The following MYO1E variants were observed in gnomAD, a reference collection of about 807,000 sequenced individuals.
MYO1E encodes the protein unconventional myosin-Ie.
A neutral mutation model predicts 151.1 loss-of-function variants in MYO1E; 68 were observed. The observed-to-expected ratio is 0.45, with a 90% CI of 0.37 to 0.55. The LOEUF (loss-of-function observed/expected upper bound fraction) is 0.55, where lower values mean the gene tolerates loss of function less well. Ranked by LOEUF, MYO1E falls within the 20% of genes least tolerant of loss-of-function variation. MYO1E has a pLI of 0.00. For synonymous variants in MYO1E, 601 were observed against 501.7 expected (o/e 1.20, Z -2.64); for missense variants, 1,363 against 1,389.3 (o/e 0.98, Z 0.30).
chr15:59,138,398 G>A, intron 26 of MYO1E, 31 bp from the exon 27 acceptor site: 1 of 1,612,320 alleles, frequency 6.2e-7, no homozygotes, highest in African/African-American at 1.3e-5. Flanking sequence ...ATGAGACTGG[G>A]CCCCAACAGG....
intron 1 of MYO1E, among the ~76,000 whole-genome samples, chr15:59,278,438 G>C (rs2080334549): frequency 6.6e-6 from 1 of 152,120 alleles, no homozygotes; most frequent in African/African-American, 2.4e-5. Flanking sequence ...AAGACATTCT[G>C]GAATTCCACC....
intron 2 of MYO1E, among the ~76,000 whole-genome samples, chr15:59,269,496 A>G (rs1426072496): frequency 6.6e-6 from 1 of 152,242 alleles, no homozygotes; most frequent in African/African-American, 2.4e-5. Flanking sequence ...TAAAGTAAGC[A>G]TATTTCAGTA....
chr15:59,276,749 T>C (rs918358674), intron 1 of MYO1E, among the ~76,000 whole-genome samples: 12 of 152,214 alleles, frequency 7.9e-5, no homozygotes, highest in African/African-American at 2.7e-4. Context: ...GAACCTCAGA[T>C]GGGTGATTCC....
intron 22 of MYO1E, 86 bp downstream of exon 22, chr15:59,171,811 C>A: frequency 6.4e-7 from 1 of 1,565,842 alleles, no homozygotes; most frequent in Non-Finnish European, 8.8e-7. Flanking sequence ...AAGCCCAGCC[C>A]GGCCTTCCTC....
intron 1 of MYO1E, among the ~76,000 whole-genome samples, chr15:59,275,509 T>C (rs997130696): frequency 4.0e-5 from 6 of 151,866 alleles, no homozygotes; most frequent in African/African-American, 4.8e-5. Flanking sequence ...CATCCCCCCA[T>C]ACTATGTATT....
At chr15:59,273,458 T>C (rs1379905320) in intron 1 of MYO1E, among the ~76,000 whole-genome samples, 1 of 152,094 alleles carries the variant, frequency 6.6e-6, no homozygotes, top group Non-Finnish European at 1.5e-5. Context: ...TAGATAATGA[T>C]GGAATAAAGT....
At chr15:59,208,217 A>C in intron 14 of MYO1E, 1 of 808,370 alleles carries the variant, frequency 1.2e-6, no homozygotes. Flanking sequence ...TTTCCTATTT[A>C]TTTAGTCCTC....
intron 1 of MYO1E, among the ~76,000 whole-genome samples, chr15:59,322,900 G>A (rs1400113244): frequency 6.6e-6 from 1 of 151,610 alleles, no homozygotes; most frequent in Non-Finnish European, 1.5e-5. Flanking sequence ...GGTGGCTTAC[G>A]CCTACAATTC....
At chr15:59,355,557 T>G (rs1022774863) in intron 1 of MYO1E, among the ~76,000 whole-genome samples, 1 of 152,242 alleles carries the variant, frequency 6.6e-6, no homozygotes, top group Non-Finnish European at 1.5e-5. Context: ...AAAGATTTTA[T>G]GCGCACAGTT....
At chr15:59,299,027 T>C (rs558686482) in intron 1 of MYO1E, among the ~76,000 whole-genome samples, 4 of 152,360 alleles carry the variant, frequency 2.6e-5, no homozygotes, top group South Asian at 2.1e-4. Flanking sequence ...CTGGTCTCTA[T>C]GGCAAATTAT....
intron 4 of MYO1E, among the ~76,000 whole-genome samples, chr15:59,246,656 A>G (rs2080131949): frequency 1.3e-5 from 2 of 152,112 alleles, no homozygotes; most frequent in Non-Finnish European, 2.9e-5. Flanking sequence ...TGTCAGTGCT[A>G]TCATGTCTCT....
At chr15:59,300,045 CTT>C (rs1415766926) in intron 1 of MYO1E, among the ~76,000 whole-genome samples, 1 of 152,138 alleles carries the variant, frequency 6.6e-6, no homozygotes, top group East Asian at 1.9e-4. Context: ...GTGAGATATA[CTT>C]TGTCACCACT....
chr15:59,309,685 G>A (rs1315794845), intron 1 of MYO1E, among the ~76,000 whole-genome samples: 1 of 152,166 alleles, frequency 6.6e-6, no homozygotes, highest in East Asian at 1.9e-4. Context: ...TCCCAGAAAG[G>A]CCAAATGTGT....
chr15:59,148,387 A>C (rs2079454798), intron 26 of MYO1E, among the ~76,000 whole-genome samples: 1 of 152,210 alleles, frequency 6.6e-6, no homozygotes. Flanking sequence ...GGGTGTGCCT[A>C]GTCTATGTCG....
chr15:59,315,522 T>C (rs1057073380), intron 1 of MYO1E, among the ~76,000 whole-genome samples: 26 of 151,268 alleles, frequency 1.7e-4, no homozygotes, highest in Non-Finnish European at 2.2e-4. Flanking sequence ...CCTGTACATC[T>C]TGCACATGTA....
In MYO1E at chr15:59,236,654, T is replaced by A. The variant is rs372703822; in HGVS notation, c.351A>T (p.Gly117=). ...TGATATATTTGGCAGCCACTGTTTT[T>A]CCAGCACCACTTTCACCACTAAAGA... ...CVIISGESGA[G]KTVAAKYIMS... Residue 117 remains glycine, a synonymous_variant, in exon 5 of 28, where the codon GGA becomes GGT. Transcript: ENST00000288235. 3 of 1,613,932 alleles carry A rather than the reference T, an allele frequency of 1.9e-6. No homozygotes were observed. The highest frequency in any genetic ancestry group is 2.5e-6 in the Non-Finnish European group (3 of 1,179,852).
intron 18 of MYO1E, among the ~76,000 whole-genome samples, chr15:59,187,866 A>G (rs966764232): frequency 6.6e-6 from 1 of 152,210 alleles, no homozygotes; most frequent in Non-Finnish European, 1.5e-5. Flanking sequence ...AGGCAAATCT[A>G]TAGACAGAAG....
At chr15:59,265,401 T>G (rs1267716271) in intron 2 of MYO1E, among the ~76,000 whole-genome samples, 1 of 152,180 alleles carries the variant, frequency 6.6e-6, no homozygotes, top group Non-Finnish European at 1.5e-5. Context: ...TTTTAAAAAC[T>G]GTTAATTTGC....
intron 1 of MYO1E, among the ~76,000 whole-genome samples, chr15:59,327,240 G>A (rs139303403): frequency 1.6e-4 from 24 of 152,244 alleles, no homozygotes; most frequent in South Asian, 8.3e-4. Flanking sequence ...CAGTGCAGCC[G>A]TGGCTCACCG....
Sources: allele counts gnomAD v4.1 joint callset (sites outside exome capture counted in the v4.1 genomes callset), GRCh38; gene constraint gnomAD v4.1.1; transcripts MANE v1.5; gene names NCBI Gene and HGNC (gene_info 2026-07-23, HGNC 2026-07-21).